Variants in ASTN2 observed in about 807,000 individuals in gnomAD.
ASTN2 encodes the protein astrotactin-2.
ASTN2 carries 54 observed loss-of-function variants against 139.8 expected under a neutral mutation model. The observed-to-expected ratio is 0.39, with a 90% CI of 0.31 to 0.48. The LOEUF (loss-of-function observed/expected upper bound fraction) is 0.48. Among genes scored for constraint, ASTN2 ranks in the 20% least tolerant of loss-of-function variants. The probability of loss-of-function intolerance (pLI) is 0.95; values close to 1 mark genes in which losing one functional copy is unlikely to be tolerated. For missense variants in ASTN2, 1,565 were observed against 1,725.1 expected (o/e 0.91, Z 1.64); for synonymous variants, 756 against 719.5 (o/e 1.05, Z -0.81).
intron 3 of ASTN2, among the ~76,000 whole-genome samples, chr9:117,156,354 A>C (rs552806231): frequency 6.6e-6 from 1 of 152,224 alleles, no homozygotes; most frequent in South Asian, 2.1e-4. Flanking sequence ...ACTGATCCTG[A>C]GAGAGATTAA....
chr9:116,949,171 A>T (rs972477054), intron 10 of ASTN2, among the ~76,000 whole-genome samples: 1 of 152,078 alleles, frequency 6.6e-6, no homozygotes, highest in Admixed American at 6.6e-5. Context: ...CTCTGTAAAT[A>T]AAAGAGATCC....
chr9:116,827,014 A>G (rs1666089474), intron 11 of ASTN2, among the ~76,000 whole-genome samples: 1 of 152,212 alleles, frequency 6.6e-6, no homozygotes, highest in Non-Finnish European at 1.5e-5. Flanking sequence ...CACACCTGAA[A>G]GAACTAGAAA....
intron 3 of ASTN2, among the ~76,000 whole-genome samples, chr9:117,153,094 T>TG (rs1830359765): frequency 6.6e-6 from 1 of 152,108 alleles, no homozygotes; most frequent in Non-Finnish European, 1.5e-5. Context: ...CTGTGTGACT[T>TG]GCTTTGGTGA....
chr9:116,843,614 G>T (rs1033926100), intron 11 of ASTN2, among the ~76,000 whole-genome samples: 1 of 149,514 alleles, frequency 6.7e-6, no homozygotes, highest in Non-Finnish European at 1.5e-5. Context: ...AGCCAAGATC[G>T]TACCATTGCA....
At chr9:116,975,954 C>A (rs942228252) in intron 9 of ASTN2, among the ~76,000 whole-genome samples, 160 bp downstream of exon 9, 1 of 152,170 alleles carries the variant, frequency 6.6e-6, no homozygotes, top group Non-Finnish European at 1.5e-5. Flanking sequence ...CCCATAGCAA[C>A]CTGCGCCATG....
intron 16 of ASTN2, among the ~76,000 whole-genome samples, chr9:116,671,097 C>T (rs1231101619): frequency 1.3e-5 from 2 of 151,884 alleles, no homozygotes; most frequent in African/African-American, 4.8e-5. Context: ...TTATAAAGGC[C>T]AGTAAAAAAT....
At chr9:116,829,090 C>A (rs565353007) in intron 11 of ASTN2, among the ~76,000 whole-genome samples, 2 of 151,954 alleles carry the variant, frequency 1.3e-5, no homozygotes, top group South Asian at 4.2e-4. Context: ...TTGCCCAAAG[C>A]AATCTGCAGA....
At chr9:116,570,557 G>C (rs960025487) in intron 19 of ASTN2, among the ~76,000 whole-genome samples, 1 of 152,084 alleles carries the variant, frequency 6.6e-6, no homozygotes, top group Non-Finnish European at 1.5e-5. Flanking sequence ...CACCATGCCC[G>C]GCTAATTTTT....
chr9:117,389,004 T>C (rs1830476488), intron 1 of ASTN2, among the ~76,000 whole-genome samples: 1 of 152,198 alleles, frequency 6.6e-6, no homozygotes, highest in South Asian at 2.1e-4. Flanking sequence ...AAGATGAATG[T>C]TTAACTAATC....
At chr9:116,907,941 C>T (rs185732946) in intron 10 of ASTN2, among the ~76,000 whole-genome samples, 13 of 152,254 alleles carry the variant, frequency 8.5e-5, no homozygotes, top group Non-Finnish European at 1.8e-4. Context: ...GAGGCAACCA[C>T]ACCCAACAGT....
At chr9:116,629,974 G>T (rs1372282750) in intron 17 of ASTN2, among the ~76,000 whole-genome samples, 1 of 152,120 alleles carries the variant, frequency 6.6e-6, no homozygotes, top group Non-Finnish European at 1.5e-5. Context: ...AATTTTTCTT[G>T]TCAGTTAGTC....
intron 19 of ASTN2, among the ~76,000 whole-genome samples, chr9:116,496,209 GT>G (rs1237707126): frequency 6.6e-6 from 1 of 152,040 alleles, no homozygotes; most frequent in Non-Finnish European, 1.5e-5. Flanking sequence ...ATCCCCTGCT[GT>G]AAACCCTGTG....
chr9:117,103,247 T>G (rs1829025440), intron 4 of ASTN2, among the ~76,000 whole-genome samples: 1 of 152,212 alleles, frequency 6.6e-6, no homozygotes, highest in Admixed American at 6.5e-5. Context: ...GGAGTTTGCT[T>G]TCTAGTAGGA....
chr9:117,228,896 T>C (rs989242878), intron 2 of ASTN2, among the ~76,000 whole-genome samples: 3 of 151,944 alleles, frequency 2.0e-5, no homozygotes, highest in African/African-American at 7.3e-5. Flanking sequence ...GTGCCTATAT[T>C]AGGGGGGCTG....
At chr9:117,209,992 A>G (rs1478405261) in intron 3 of ASTN2, among the ~76,000 whole-genome samples, 1 of 152,168 alleles carries the variant, frequency 6.6e-6, no homozygotes, top group Non-Finnish European at 1.5e-5. Flanking sequence ...TAAAATTTGA[A>G]AATTCCTTGA....
At chr9:116,892,177 T>C (rs180852780) in intron 10 of ASTN2, among the ~76,000 whole-genome samples, 7 of 152,354 alleles carry the variant, frequency 4.6e-5, no homozygotes, top group African/African-American at 1.7e-4. Context: ...AATCACTTAT[T>C]TATAATAAAT....
At chr9:116,569,624 G>A (rs972079881) in intron 19 of ASTN2, among the ~76,000 whole-genome samples, 29 of 152,150 alleles carry the variant, frequency 1.9e-4, no homozygotes, top group African/African-American at 7.0e-4. Flanking sequence ...TCACATTTGG[G>A]TTCATGTGTT....
chr9:116,522,644 T>C (rs1193406789), intron 19 of ASTN2, among the ~76,000 whole-genome samples: 2 of 152,216 alleles, frequency 1.3e-5, no homozygotes, highest in East Asian at 3.9e-4. Context: ...ATACCACCTG[T>C]TTCCCTAAAA....
chr9:116,682,371 AAAC>A (rs773762361), intron 16 of ASTN2, among the ~76,000 whole-genome samples: 96 of 152,230 alleles, frequency 6.3e-4, no homozygotes, highest in Non-Finnish European at 1.1e-3. Context: ...AAAAGGCAGG[AAAC>A]AACAAGTGCT....
Sources: gnomAD v4.1 joint callset for allele counts (sites outside exome capture counted in the v4.1 genomes callset) on GRCh38, gnomAD v4.1.1 for gene constraint, MANE v1.5 for transcripts, NCBI Gene and HGNC (gene_info 2026-07-23, HGNC 2026-07-21) for gene names.